Variants in BAIAP2 observed in about 807,000 individuals in gnomAD.
BAIAP2 encodes the protein BAR/IMD domain containing adaptor protein 2, also known as BAR/IMD domain-containing adapter protein 2.
BAIAP2 carries 18 observed loss-of-function variants against 63.0 expected under a neutral mutation model. That is an observed-to-expected ratio of 0.29 (90% CI 0.20 to 0.42). The LOEUF is 0.42. Among genes scored for constraint, BAIAP2 ranks in the 10% least tolerant of loss-of-function variants. The pLI, the probability that BAIAP2 is intolerant of heterozygous loss-of-function variation, is 1.00. For missense variants in BAIAP2, 610 were observed against 734.3 expected (o/e 0.83, Z 1.96); for synonymous variants, 386 against 307.6 (o/e 1.25, Z -2.67).
Position 81,115,754 on chromosome 17 carries a change from CG to C in BAIAP2, c.1536-15del, listed in dbSNP as rs745387960. On this transcript the variant is annotated splice_polypyrimidine_tract_variant and intron_variant, in intron 13 of 13. Transcript: ENST00000428708. ...GCTTCCGCCCTAAAAATTAAAACCACGTTTTTCTCTTTCAGGAATCCCTTTG... is the reference window on the plus strand; with the variant it reads ...GCTTCCGCCCTAAAAATTAAAACCACTTTTTCTCTTTCAGGAATCCCTTTG... 18 of 1,613,394 alleles carry C rather than the reference CG, an allele frequency of 1.1e-5. No individual in the cohort carries two copies. Among genetic ancestry groups the C allele is most frequent in the Non-Finnish European group, 1.4e-5 (16 of 1,180,008 alleles).
intron 3 of BAIAP2, among the ~76,000 whole-genome samples, chr17:81,074,023 C>A (rs1481139676): frequency 6.6e-6 from 1 of 152,218 alleles, no homozygotes; most frequent in Non-Finnish European, 1.5e-5. Context: ...CGCAACACAG[C>A]GGGACCCTTG....
intron 3 of BAIAP2, among the ~76,000 whole-genome samples, chr17:81,073,282 T>C (rs1334900449): frequency 6.6e-6 from 1 of 152,126 alleles, no homozygotes; most frequent in Non-Finnish European, 1.5e-5. Flanking sequence ...AGTTCAGAAC[T>C]TTTACCACCT....
chr17:81,115,864 T>A lies in BAIAP2; in HGVS notation c.*25T>A, dbSNP rs763399672. On this transcript the variant is annotated 3_prime_UTR_variant, in exon 14 of 14. Transcript: ENST00000428708. ...ATGGCCACATCTGCAGTGCTGCCCA[T>A]CTGGTGGCTTCCCCCGCCCTTCCCA... The A allele has an allele frequency of 6.2e-7, 1 of 1,612,298 alleles. No homozygotes were observed. Among genetic ancestry groups the A allele is most frequent in the East Asian group, 2.2e-5 (1 of 44,850 alleles).
At chr17:81,090,604 C>T (rs1005093806) in intron 6 of BAIAP2, among the ~76,000 whole-genome samples, 1 of 152,260 alleles carries the variant, frequency 6.6e-6, no homozygotes, top group Non-Finnish European at 1.5e-5. Context: ...GAGGGAGCCA[C>T]ACCCCGGTGT....
At chr17:81,038,342 G>T (rs144073360) in intron 1 of BAIAP2, among the ~76,000 whole-genome samples, 2 of 152,344 alleles carry the variant, frequency 1.3e-5, no homozygotes, top group South Asian at 4.1e-4. Flanking sequence ...TCAAGGTCTC[G>T]TGTCCGCAGA....
In BAIAP2 at chr17:81,106,957, G is replaced by T. The variant is rs867408138; in HGVS notation, c.1500+50G>T. The stretch of plus-strand genomic sequence containing the variant: ...GAGGGGCCCGCAGGTGGAACAGTGG[G>T]CTCAGCCTGCAGTCCCCCGTTGGAG... On this transcript the variant is annotated intron_variant, in intron 12 of 13. Transcript: ENST00000428708. 2.1e-6 allele frequency: 3 copies of T among 1,462,322 alleles called. No individual in the cohort carries two copies. The South Asian group carries it at 4.3e-5, about 21-fold the overall frequency. The allele number at this position is 1,462,322 out of a possible 1,614,324, so 90.6% of individuals were successfully genotyped here. A position where few individuals can be genotyped will look rare whatever the true frequency, so the allele number is the denominator to read the frequency against.
intron 3 of BAIAP2, among the ~76,000 whole-genome samples, chr17:81,074,935 A>G (rs553575815): frequency 7.7e-4 from 118 of 152,360 alleles, no homozygotes; most frequent in African/African-American, 2.8e-3. Flanking sequence ...ACTTCTCTCC[A>G]GGTTGGAAAG....
At chr17:81,099,295 C>T (rs753620902) in intron 6 of BAIAP2, among the ~76,000 whole-genome samples, 1 of 152,156 alleles carries the variant, frequency 6.6e-6, no homozygotes, top group African/African-American at 2.4e-5. Context: ...CTTAGCGTCC[C>T]GCTCCCCGTC....
chr17:81,037,342 C>T lies in BAIAP2; in HGVS notation c.54+2034C>T, dbSNP rs889560693. Among the ~76,000 whole-genome samples, 5 of 152,354 alleles carry T rather than the reference C, an allele frequency of 3.3e-5. No individual in the cohort carries two copies. The South Asian group carries it at 1.0e-3, about 32-fold the overall frequency. On this transcript the variant is annotated intron_variant, in intron 1 of 13. Coordinates refer to ENST00000428708, the MANE Select transcript of BAIAP2 (RefSeq NM_001144888.2). ...GCTTTGCCCTGGTGACAGGCTTGCGCTGCTGCTGCTGCACACAGGCGGGGT... is the reference window on the plus strand; with the variant it reads ...GCTTTGCCCTGGTGACAGGCTTGCGTTGCTGCTGCTGCACACAGGCGGGGT...
chr17:81,085,710 C>T lies in BAIAP2; in HGVS notation c.336C>T (p.Asp112=). 6.2e-7 allele frequency: 1 copy of T among 1,613,602 alleles called. No homozygotes were observed. The highest frequency in any genetic ancestry group is 8.5e-7 in the Non-Finnish European group (1 of 1,179,898). Residue 112 remains aspartate, a synonymous_variant, in exon 5 of 14, where the codon GAC becomes GAT. Coordinates refer to ENST00000428708, the MANE Select transcript of BAIAP2 (RefSeq NM_001144888.2). ...AGCTGGAGCAGAAGGTGGAGCTGGA[C>T]TCCAGGTATCTGAGTGTAAGTGCAC... is the stretch of plus-strand genomic sequence containing the variant. ...LTQLEQKVEL[D]SRYLSAALKK...
chr17:81,044,890 G>A (rs553535588), intron 1 of BAIAP2, among the ~76,000 whole-genome samples: 9 of 152,372 alleles, frequency 5.9e-5, no homozygotes, highest in East Asian at 1.9e-4. Context: ...GCACCGTCCC[G>A]TGTGGGCCGG....
At chr17:81,071,720 T>G (rs977072144) in intron 3 of BAIAP2, among the ~76,000 whole-genome samples, 1 of 152,238 alleles carries the variant, frequency 6.6e-6, no homozygotes, top group Non-Finnish European at 1.5e-5. Context: ...CCCGGCAGAC[T>G]CAGCGCGGGG....
intron 3 of BAIAP2, among the ~76,000 whole-genome samples, chr17:81,066,920 C>A (rs2051576385): frequency 6.6e-6 from 1 of 152,244 alleles, no homozygotes; most frequent in African/African-American, 2.4e-5. Context: ...TGCTTTCAGG[C>A]CCTCACGGCA....
chr17:81,065,323 C>T (rs1438981068), intron 3 of BAIAP2, among the ~76,000 whole-genome samples: 1 of 152,214 alleles, frequency 6.6e-6, no homozygotes, highest in Non-Finnish European at 1.5e-5. Context: ...CTGCAGGGGT[C>T]CAGGGTCCTG....
In BAIAP2 at chr17:81,116,565, G is replaced by T; in HGVS notation, c.*726G>T. 1.9e-6 allele frequency: 1 copy of T among 533,270 alleles called. No individual in the cohort carries two copies. Among genetic ancestry groups the T allele is most frequent in the Non-Finnish European group, 3.4e-6 (1 of 297,242 alleles). 33.0% of individuals were successfully genotyped at this position (533,270 alleles called of 1,614,324 possible). On this transcript the variant is annotated 3_prime_UTR_variant, in exon 14 of 14. Coordinates refer to ENST00000428708, the MANE Select transcript of BAIAP2 (RefSeq NM_001144888.2). ...AGGCCAGCTGTCAGGTGCTATGCGGGGTCACCAGCAGAGTGCCCGCTGGCA... is the reference window on the plus strand; with the variant it reads ...AGGCCAGCTGTCAGGTGCTATGCGGTGTCACCAGCAGAGTGCCCGCTGGCA...
chr17:81,085,866 G>A lies in BAIAP2; in HGVS notation c.351+141G>A, dbSNP rs1198950107. On this transcript the variant is annotated intron_variant, in intron 5 of 13. Transcript: ENST00000428708. Reference sequence around the variant, plus strand: ...CATGGGCCCCAGCTCTGACTTTATTGTCCATTTGGGACCGAGTGCCCCTGG... The same window carrying A: ...CATGGGCCCCAGCTCTGACTTTATTATCCATTTGGGACCGAGTGCCCCTGG... 13 of 672,782 alleles carry A rather than the reference G, an allele frequency of 1.9e-5. No individual in the cohort carries two copies. The East Asian group carries it at 3.2e-4, about 17-fold the overall frequency. 41.7% of individuals were successfully genotyped at this position (672,782 alleles called of 1,614,324 possible).
At chr17:81,110,086 T>C in intron 13 of BAIAP2, 4 of 985,348 alleles carry the variant, frequency 4.1e-6, no homozygotes, top group Non-Finnish European at 4.8e-6. Context: ...CTCTGGGGAA[T>C]TGAGTGCAGG....
chr17:81,102,955 T>C (rs145806667), intron 7 of BAIAP2, among the ~76,000 whole-genome samples: 56 of 152,306 alleles, frequency 3.7e-4, no homozygotes, highest in Middle Eastern at 3.4e-3. Flanking sequence ...TCCTCCTCCT[T>C]TGTCCCCACT....
At chr17:81,049,013 C>A (rs1003351693) in intron 1 of BAIAP2, among the ~76,000 whole-genome samples, 1 of 152,248 alleles carries the variant, frequency 6.6e-6, no homozygotes, top group African/African-American at 2.4e-5. Flanking sequence ...CAGGACCCCC[C>A]CTGGGGTGGG....
Sources: gnomAD v4.1 joint callset for allele counts (sites outside exome capture counted in the v4.1 genomes callset) on GRCh38, gnomAD v4.1.1 for gene constraint, MANE v1.5 for transcripts, NCBI Gene and HGNC (gene_info 2026-07-23, HGNC 2026-07-21) for gene names.